Variants in DNAAF11 observed in about 807,000 individuals in gnomAD.
DNAAF11 encodes the protein dynein axonemal assembly factor 11, also known as leucine rich repeat containing 6.
In DNAAF11, 45 loss-of-function variants were observed where a neutral mutation model predicts 60.8. The observed-to-expected ratio is 0.74, with a 90% CI of 0.58 to 0.95. The LOEUF (loss-of-function observed/expected upper bound fraction) is 0.95, where lower values mean the gene tolerates loss of function less well. Ranked by LOEUF, DNAAF11 falls within the 40% of genes least tolerant of loss-of-function variation. The pLI, the probability that DNAAF11 is intolerant of heterozygous loss-of-function variation, is 0.00. For synonymous variants in DNAAF11, 191 were observed against 183.5 expected, an observed-to-expected ratio of 1.04 and a Z score of -0.33; for missense variants, 546 against 546.2, an observed-to-expected ratio of 1.00 and a Z score of 0.00.
chr8:132,598,665 G>C (rs900426109), intron 10 of DNAAF11, among the ~76,000 whole-genome samples: 1 of 152,180 alleles, frequency 6.6e-6, no homozygotes, highest in Non-Finnish European at 1.5e-5. Context: ...AAATCCTGCA[G>C]TTAGCCATTA....
At chr8:132,577,984 G>A (rs1388139681) in intron 11 of DNAAF11, among the ~76,000 whole-genome samples, 2 of 151,998 alleles carry the variant, frequency 1.3e-5, no homozygotes, top group Non-Finnish European at 2.9e-5. Flanking sequence ...TTCTAGTTTG[G>A]AAAATTTATT....
At position 132,615,021 on chromosome 8, in the gene DNAAF11, G is replaced by T; in HGVS notation, c.974+17C>A. 6.6e-7 allele frequency: 1 copy of T among 1,515,384 alleles called. No individual in the cohort carries two copies. The highest frequency in any genetic ancestry group is 9.1e-7 in the Non-Finnish European group (1 of 1,102,570). 93.9% of individuals were successfully genotyped at this position (1,515,384 alleles called of 1,614,324 possible). ...AGACAGAAATGTCATAAATAAATAC[G>T]TAGAAAATGTCTTTACCTATAGACA... On this transcript the variant is annotated intron_variant, in intron 8 of 11. Coordinates refer to ENST00000620350, the MANE Select transcript of DNAAF11 (RefSeq NM_012472.6).
intron 10 of DNAAF11, among the ~76,000 whole-genome samples, chr8:132,607,877 G>A (rs1818283666): frequency 6.6e-6 from 1 of 152,046 alleles, no homozygotes; most frequent in Non-Finnish European, 1.5e-5. Context: ...ATGGACAAAT[G>A]TTGATTCTTA....
At chr8:132,650,533 AAAAT>A (rs1822900788) in intron 3 of DNAAF11, among the ~76,000 whole-genome samples, 2 of 152,218 alleles carry the variant, frequency 1.3e-5, no homozygotes, top group Non-Finnish European at 2.9e-5. Flanking sequence ...ATAAAAATAA[AAAAT>A]AAAACACATT....
At chr8:132,585,200 T>A (rs1378206395) in intron 10 of DNAAF11, among the ~76,000 whole-genome samples, 1 of 152,216 alleles carries the variant, frequency 6.6e-6, no homozygotes, top group African/African-American at 2.4e-5. Flanking sequence ...TGGGCTCTGA[T>A]GGATGCCCAC....
chr8:132,639,249 G>A (rs1389880432), intron 3 of DNAAF11, among the ~76,000 whole-genome samples: 1 of 152,174 alleles, frequency 6.6e-6, no homozygotes, highest in East Asian at 1.9e-4. Flanking sequence ...TTATGCAGCA[G>A]CCTTTGGGGG....
intron 3 of DNAAF11, among the ~76,000 whole-genome samples, chr8:132,646,732 C>T (rs1822432169): frequency 6.6e-6 from 1 of 152,058 alleles, no homozygotes; most frequent in Admixed American, 6.5e-5. Context: ...CAACAAAGAT[C>T]AAAAGAGACA....
intron 1 of DNAAF11, among the ~76,000 whole-genome samples, chr8:132,670,776 A>G (rs1181763484): frequency 1.3e-5 from 2 of 152,174 alleles, no homozygotes; most frequent in Admixed American, 6.5e-5. Flanking sequence ...CCAAGGGGGG[A>G]GTTATCCAAT....
chr8:132,623,802 C>T (rs1323756871), intron 6 of DNAAF11, among the ~76,000 whole-genome samples: 1 of 152,084 alleles, frequency 6.6e-6, no homozygotes, highest in Non-Finnish European at 1.5e-5. Context: ...TTCAATGACC[C>T]AGGACAATTA....
In DNAAF11 at chr8:132,630,308, A is replaced by C. The variant is rs567325670; in HGVS notation, c.653+2432T>G. 3.3e-5 allele frequency among the ~76,000 whole-genome samples: 5 copies of C among 152,360 alleles called. No individual in the cohort carries two copies. The South Asian group carries it at 1.0e-3, about 32-fold the overall frequency. Reference sequence around the variant, plus strand: ...GTCTAGAGAGCTCAGAGATGAACCCATGAATACATGGTTAGAAGGGATATA... The same window carrying C: ...GTCTAGAGAGCTCAGAGATGAACCCCTGAATACATGGTTAGAAGGGATATA... On this transcript the variant is annotated intron_variant, in intron 5 of 11. Transcript: ENST00000620350.
chr8:132,611,682 CT>C (rs1383350714), intron 8 of DNAAF11, among the ~76,000 whole-genome samples: 1 of 152,128 alleles, frequency 6.6e-6, no homozygotes, highest in Non-Finnish European at 1.5e-5. Context: ...TTTTAAGCCC[CT>C]AAGACTTGAA....
At chr8:132,675,727 C>T (rs1825734821), upstream of DNAAF11, 3 of 419,878 alleles carry the variant, frequency 7.1e-6, no homozygotes, top group Admixed American at 4.4e-5. Context: ...AACCCAAACC[C>T]AGTCTTCGTC....
At position 132,667,901 on chromosome 8, in the gene DNAAF11, T is replaced by G. The variant is rs1260558449; in HGVS notation, c.11-6274A>C. Among the ~76,000 whole-genome samples the G allele has an allele frequency of 2.0e-5, 3 of 152,154 alleles. No individual in the cohort carries two copies. The East Asian group carries it at 5.8e-4, about 29-fold the overall frequency. ...TGTCCTGCTGTGTTTGTTTCTAAAG[T>G]TTTTCATTACATTGAGCAAAGTTCT... On this transcript the variant is annotated intron_variant, in intron 1 of 11. Coordinates refer to ENST00000620350, the MANE Select transcript of DNAAF11 (RefSeq NM_012472.6).
chr8:132,653,651 T>G (rs1352794354), intron 3 of DNAAF11, among the ~76,000 whole-genome samples: 1 of 152,130 alleles, frequency 6.6e-6, no homozygotes, highest in South Asian at 2.1e-4. Flanking sequence ...AAAACTAAAC[T>G]ATACAGGAGC....
chr8:132,618,891 G>A (rs192782089), intron 7 of DNAAF11, among the ~76,000 whole-genome samples: 39 of 152,148 alleles, frequency 2.6e-4, no homozygotes, highest in South Asian at 1.7e-3. Flanking sequence ...TCAGTGTGGC[G>A]ATTCCTCAGG....
At chr8:132,700,106 G>A in the DNAAF11 span, among the ~76,000 whole-genome samples, 7 of 152,130 alleles carry the variant, frequency 4.6e-5, no homozygotes, top group Admixed American at 1.3e-4. Flanking sequence ...TAAATGTTAT[G>A]CCATATGAAT....
intron 11 of DNAAF11, chr8:132,578,291 T>C: frequency 1.8e-6 from 1 of 557,728 alleles, no homozygotes; most frequent in Non-Finnish European, 3.1e-6. Flanking sequence ...AACTAAATCA[T>C]AATAGAGGAT....
chr8:132,599,796 T>C, intron 10 of DNAAF11, among the ~76,000 whole-genome samples: 1 of 152,156 alleles, frequency 6.6e-6, no homozygotes, highest in East Asian at 1.9e-4. Flanking sequence ...GAGCTATTTA[T>C]GACAAACCCA....
chr8:132,604,434 C>T lies in DNAAF11; in HGVS notation c.1140+5732G>A, dbSNP rs1416569303. ...TAAATATATTTTGCTGTTCAGTTCA[C>T]ATGGCAACTTCCTTAATCTCAGTTA... On this transcript the variant is annotated intron_variant, in intron 10 of 11. Coordinates refer to ENST00000620350, the MANE Select transcript of DNAAF11 (RefSeq NM_012472.6). Among the ~76,000 whole-genome samples, 4 of 152,132 alleles carry T rather than the reference C, an allele frequency of 2.6e-5. No individual in the cohort carries two copies. In the East Asian group the frequency reaches 7.7e-4, roughly 29 times the overall value.
Sources: gnomAD v4.1 joint callset for allele counts (sites outside exome capture counted in the v4.1 genomes callset) on GRCh38, gnomAD v4.1.1 for gene constraint, MANE v1.5 for transcripts, NCBI Gene and HGNC (gene_info 2026-07-23, HGNC 2026-07-21) for gene names.